The following ACBD3 variants were observed in gnomAD, a reference collection of about 807,000 sequenced individuals.
The protein encoded by ACBD3 is Golgi resident protein GCP60.
In ACBD3, 30 loss-of-function variants were observed where a neutral mutation model predicts 66.9. The observed-to-expected ratio is 0.45, with a 90% CI of 0.34 to 0.61. The LOEUF (loss-of-function observed/expected upper bound fraction) is 0.61, where lower values mean the gene tolerates loss of function less well. ACBD3 is among the 20% of genes least tolerant of loss of function. The pLI, the probability that ACBD3 is intolerant of heterozygous loss-of-function variation, is 0.02. For synonymous variants in ACBD3, 278 were observed against 259.8 expected (o/e 1.07, Z -0.68); for missense variants, 544 against 664.5 (o/e 0.82, Z 1.99).
intron 1 of ACBD3, among the ~76,000 whole-genome samples, chr1:226,178,103 T>G (rs764655870): frequency 2.0e-5 from 3 of 152,044 alleles, no homozygotes; most frequent in Non-Finnish European, 4.4e-5. Flanking sequence ...TAACATGATA[T>G]ACAAAACACA....
chr1:226,170,150 C>CT (rs1659964504), intron 1 of ACBD3, among the ~76,000 whole-genome samples: 1 of 2,220 alleles, frequency 4.5e-4, no homozygotes, highest in Non-Finnish European at 8.3e-4. Context: ...TTTTTCCTTT[C>CT]CTTTTTTTTT....
chr1:226,178,813 A>G (rs1325228976), intron 1 of ACBD3, among the ~76,000 whole-genome samples: 1 of 152,168 alleles, frequency 6.6e-6, no homozygotes, highest in Non-Finnish European at 1.5e-5. Context: ...CCACCCAGCA[A>G]TTGCTAACCT....
At chr1:226,150,609 C>T (rs1056676033) in intron 7 of ACBD3, among the ~76,000 whole-genome samples, 11 of 151,732 alleles carry the variant, frequency 7.2e-5, no homozygotes, top group Admixed American at 6.6e-5. Flanking sequence ...GAACTCCTGA[C>T]CTTGTGATCC....
chr1:226,157,669 A>T (rs985241874), intron 5 of ACBD3, among the ~76,000 whole-genome samples: 2 of 152,014 alleles, frequency 1.3e-5, no homozygotes, highest in Non-Finnish European at 2.9e-5. Context: ...CCTCCCAAGT[A>T]ACTGGGACTA....
rs2306120 is a variant in ACBD3 at position 226,164,797 on chromosome 1, T to G, written c.561A>C (p.Glu187Asp). The change falls in exon 3 of 8, where the codon GAA (glutamate) becomes GAC (aspartate). Residue 187 changes from glutamate (E) to aspartate (D), a missense_variant. By Grantham distance (45) the Glu-to-Asp change is conservative. This residue lies in a region of ACBD3 where 383 missense variants were observed against 462.4 expected (regional missense o/e 0.83). Transcript: ENST00000366812. ...ATGCCCTCAAACTTCACCTTTTTTT[T>G]TCTTGCTCTTCCTTCTCTATTTTGT... ...ASHKIEKEEQ[E>D]KKRKEEEERR... 946,067 of 1,606,250 alleles carry G rather than the reference T, an allele frequency of 0.59. 281,803 individuals carry two copies. The highest frequency in any genetic ancestry group is 0.7 in the Admixed American group (41,310 of 58,656).
At position 226,159,340 on chromosome 1, in the gene ACBD3, A is replaced by G. The variant is rs1659729189; in HGVS notation, c.747T>C (p.Ala249=). ...LEQQKQQIMA[A]LNSQTAVQFQ... is the part of the protein sequence containing the mutation. ...ACTGCACGGCAGTCTGGGAGTTTAA[A>G]GCTGCCATTATCTGCTGCCTAAAAA... is the stretch of plus-strand genomic sequence containing the variant. Residue 249 remains alanine, a synonymous_variant, in exon 5 of 8, where the codon GCT becomes GCC. Coordinates refer to ENST00000366812, the MANE Select transcript of ACBD3 (RefSeq NM_022735.4). 2 of 1,614,174 alleles carry G rather than the reference A, an allele frequency of 1.2e-6. No individual in the cohort carries two copies. The highest frequency in any genetic ancestry group is 4.5e-5 in the East Asian group (2 of 44,888).
intron 1 of ACBD3, among the ~76,000 whole-genome samples, chr1:226,185,682 T>G (rs1656282964): frequency 6.6e-6 from 1 of 151,904 alleles, no homozygotes; most frequent in Admixed American, 6.6e-5. Flanking sequence ...TAACAATTAA[T>G]TATGCGAAAA....
At chr1:226,150,054 A>T (rs1355304662) in intron 7 of ACBD3, among the ~76,000 whole-genome samples, 4 of 145,844 alleles carry the variant, frequency 2.7e-5, no homozygotes, top group African/African-American at 7.6e-5. Context: ...TATTTTTTTT[A>T]ATTTTTTTTT....
chr1:226,179,363 T>C (rs749415834), intron 1 of ACBD3, among the ~76,000 whole-genome samples: 20 of 152,178 alleles, frequency 1.3e-4, no homozygotes, highest in Non-Finnish European at 2.5e-4. Flanking sequence ...TAAAGGATGA[T>C]GCCTCAAACA....
chr1:226,152,484 G>A lies in ACBD3; in HGVS notation c.1226C>T (p.Thr409Ile), dbSNP rs1279034376. 6.2e-7 allele frequency: 1 copy of A among 1,614,148 alleles called. No individual in the cohort carries two copies. The highest frequency in any genetic ancestry group is 8.5e-7 in the Non-Finnish European group (1 of 1,180,032). Residue 409 changes from threonine (T) to isoleucine (I), a missense_variant, in exon 7 of 8, where the codon ACC (threonine) becomes ATC (isoleucine). This residue lies in a region of ACBD3 where 383 missense variants were observed against 462.4 expected (regional missense o/e 0.83). Coordinates refer to ENST00000366812, the MANE Select transcript of ACBD3 (RefSeq NM_022735.4). ...AAAGAGATATGATCCTTCTTCATGG[G>A]TGGGTACTCGAACAGTGACCACTTC... ...RGEVVTVRVP[T>I]HEEGSYLFWE...
intron 7 of ACBD3, chr1:226,148,177 C>T (rs1226498874): frequency 1.3e-5 from 2 of 152,150 alleles, no homozygotes; most frequent in African/African-American, 2.4e-5. Flanking sequence ...AAACTAAAAA[C>T]ATCTGAATAA....
At chr1:226,182,704 T>C (rs1656198699) in intron 1 of ACBD3, among the ~76,000 whole-genome samples, 1 of 152,222 alleles carries the variant, frequency 6.6e-6, no homozygotes, top group Non-Finnish European at 1.5e-5. Context: ...CTTTCTATTT[T>C]CCATTTTGCA....
At chr1:226,160,713 A>G (rs1049733643) in intron 4 of ACBD3, among the ~76,000 whole-genome samples, 1 of 152,150 alleles carries the variant, frequency 6.6e-6, no homozygotes, top group Non-Finnish European at 1.5e-5. Flanking sequence ...CTTACTTCCC[A>G]GTGTTTTATG....
At chr1:226,155,971 A>G (rs1197156947) in intron 5 of ACBD3, among the ~76,000 whole-genome samples, 2 of 152,230 alleles carry the variant, frequency 1.3e-5, no homozygotes, top group Non-Finnish European at 2.9e-5. Flanking sequence ...TTCTAAATCA[A>G]TATGGACAGA....
intron 1 of ACBD3, among the ~76,000 whole-genome samples, chr1:226,176,241 C>G (rs536255557): frequency 6.6e-6 from 1 of 152,202 alleles, no homozygotes; most frequent in African/African-American, 2.4e-5. Flanking sequence ...GCCTGGCCAA[C>G]ATGGTGAAGC....
intron 1 of ACBD3, among the ~76,000 whole-genome samples, chr1:226,171,943 G>C (rs1660001572): frequency 6.6e-6 from 1 of 151,548 alleles, no homozygotes; most frequent in Admixed American, 6.6e-5. Context: ...ATCACCTGAG[G>C]TCAGGAGTTT....
chr1:226,151,377 A>G (rs1429037228), intron 7 of ACBD3, among the ~76,000 whole-genome samples: 1 of 152,124 alleles, frequency 6.6e-6, no homozygotes, highest in Non-Finnish European at 1.5e-5. Flanking sequence ...ATATAAACAA[A>G]CCCTACATTC....
At chr1:226,161,385 C>T (rs766578099) in intron 4 of ACBD3, 146 bp downstream of exon 4, 8 of 1,057,442 alleles carry the variant, frequency 7.6e-6, no homozygotes, top group Non-Finnish European at 1.1e-5. Flanking sequence ...GGTGATCTCC[C>T]AACCTCAGGT....
intron 1 of ACBD3, among the ~76,000 whole-genome samples, chr1:226,166,484 ATTT>A (rs200962496): frequency 6.5e-5 from 8 of 122,396 alleles, no homozygotes; most frequent in Non-Finnish European, 8.7e-5. Flanking sequence ...CGGTATGCTG[ATTT>A]TTTTTTTTTT....
Sources: gnomAD v4.1 joint callset for allele counts (sites outside exome capture counted in the v4.1 genomes callset) on GRCh38, gnomAD v4.1.1 for gene constraint, gnomAD v4.1.1 regional missense constraint, MANE v1.5 for transcripts, NCBI Gene and HGNC (gene_info 2026-07-23, HGNC 2026-07-21) for gene names.